TMEM272: variants seen among roughly 807,000 people sequenced by gnomAD.
The protein encoded by TMEM272 is transmembrane protein 272, also known as long intergenic non-protein coding RNA 282.
A neutral mutation model predicts 3.7 loss-of-function variants in TMEM272; 8 were observed. The observed-to-expected ratio is 2.17, with a 90% CI of 1.27 to 3.91. The LOEUF is 3.91. Among genes scored for constraint, TMEM272 ranks in the 30% most tolerant of loss-of-function variants. The probability of loss-of-function intolerance (pLI) is 0.00; values close to 1 mark genes in which losing one functional copy is unlikely to be tolerated. For synonymous variants in TMEM272, 63 were observed against 39.8 expected (o/e 1.58, Z -2.20); for missense variants, 166 against 91.5 (o/e 1.81, Z -3.32).
chr13:51,859,176 T>TAAA, the TMEM272 span, among the ~76,000 whole-genome samples: 22 of 142,466 alleles, frequency 1.5e-4, no homozygotes, highest in South Asian at 4.5e-4. Flanking sequence ...AGGGCATTTG[T>TAAA]AAAAAAAAAA....
chr13:51,893,037 T>C, the TMEM272 span, among the ~76,000 whole-genome samples: 1 of 152,140 alleles, frequency 6.6e-6, no homozygotes, highest in Admixed American at 6.5e-5. Flanking sequence ...CTGACAAACA[T>C]CATACATCCA....
the TMEM272 span, chr13:51,909,406 A>G: frequency 1.0e-5 from 9 of 876,584 alleles, no homozygotes; most frequent in Admixed American, 1.2e-4. Context: ...TCTTTCTCTA[A>G]CCGGTTATTT....
the TMEM272 span, among the ~76,000 whole-genome samples, chr13:51,916,481 T>C: frequency 6.6e-6 from 1 of 152,238 alleles, no homozygotes; most frequent in Non-Finnish European, 1.5e-5. Flanking sequence ...GTGGTAGCTA[T>C]CATCAACGCA....
At chr13:51,835,169 G>A (rs1341581129) in intron 2 of TMEM272, among the ~76,000 whole-genome samples, 2 of 152,180 alleles carry the variant, frequency 1.3e-5, no homozygotes, top group East Asian at 3.9e-4. Flanking sequence ...CCAATCTAAG[G>A]GGGATATCTG....
the TMEM272 span, among the ~76,000 whole-genome samples, chr13:51,927,365 T>A: frequency 1.3e-5 from 2 of 152,000 alleles, no homozygotes; most frequent in East Asian, 3.9e-4. Flanking sequence ...TAGGTTTATA[T>A]TTAGCCCCCA....
At chr13:51,934,106 C>T in the TMEM272 span, 1 of 155,204 alleles carries the variant, frequency 6.4e-6, no homozygotes, top group Non-Finnish European at 1.4e-5. Context: ...CTGAAATGCA[C>T]ACTCCAGAGC....
the TMEM272 span, among the ~76,000 whole-genome samples, chr13:51,878,525 T>C: frequency 6.6e-6 from 1 of 152,270 alleles, no homozygotes; most frequent in African/African-American, 2.4e-5. Context: ...CATGATCTAA[T>C]TACCTCCCAT....
the TMEM272 span, chr13:51,908,786 A>G: frequency 6.9e-7 from 1 of 1,443,914 alleles, no homozygotes; most frequent in Non-Finnish European, 9.7e-7. Flanking sequence ...GAGCTGAATC[A>G]GGATATGATT....
chr13:51,815,894 C>A lies in TMEM272; in HGVS notation c.*857G>T, dbSNP rs997411573. ...TTATTCGATATTTAAGCTCAGAAACCAAAAACAGCTACACTGACGGCACCC... is the reference window on the plus strand; with the variant it reads ...TTATTCGATATTTAAGCTCAGAAACAAAAAACAGCTACACTGACGGCACCC... On this transcript the variant is annotated 3_prime_UTR_variant, in exon 5 of 5. Coordinates refer to ENST00000629372, the MANE Select transcript of TMEM272 (RefSeq NM_001351003.2). 1 of 152,162 alleles carries A rather than the reference C, an allele frequency of 6.6e-6. No homozygotes were observed. Among genetic ancestry groups the A allele is most frequent in the African/African-American group, 2.4e-5 (1 of 41,412 alleles). 9.4% of individuals were successfully genotyped at this position (152,162 alleles called of 1,614,324 possible). A position where few individuals can be genotyped will look rare whatever the true frequency, so the allele number is the denominator to read the frequency against.
intron 1 of TMEM272, among the ~76,000 whole-genome samples, chr13:51,838,816 AG>A (rs1365322939): frequency 6.6e-6 from 1 of 152,146 alleles, no homozygotes; most frequent in African/African-American, 2.4e-5. Flanking sequence ...ACAGGCCTGG[AG>A]GGGGAGATGG....
intron 2 of TMEM272, among the ~76,000 whole-genome samples, chr13:51,836,084 A>T (rs1057410902): frequency 1.3e-5 from 2 of 152,210 alleles, no homozygotes; most frequent in African/African-American, 4.8e-5. Flanking sequence ...TGGAAACTCA[A>T]TCCCCAATGC....
chr13:51,929,317 G>T, the TMEM272 span, among the ~76,000 whole-genome samples: 1 of 152,202 alleles, frequency 6.6e-6, no homozygotes, highest in South Asian at 2.1e-4. Context: ...ATGCATATCT[G>T]AGGCTCTAAA....
chr13:51,902,422 G>C, the TMEM272 span, among the ~76,000 whole-genome samples: 2 of 152,224 alleles, frequency 1.3e-5, no homozygotes, highest in African/African-American at 4.8e-5. Flanking sequence ...AAAATGTTCA[G>C]CCTCTCAATG....
At chr13:51,898,218 A>AAAATAAAT in the TMEM272 span, among the ~76,000 whole-genome samples, 287 of 147,562 alleles carry the variant, frequency 1.9e-3, 1 homozygote, top group Admixed American at 2.7e-3. Context: ...CTCCATCTCA[A>AAAATAAAT]AAATAAATAA....
intron 2 of TMEM272, among the ~76,000 whole-genome samples, chr13:51,828,777 G>A (rs1388207964): frequency 3.9e-5 from 6 of 152,140 alleles, no homozygotes; most frequent in Admixed American, 2.0e-4. Context: ...GCCCTTTACC[G>A]CCAATATTCA....
the TMEM272 span, among the ~76,000 whole-genome samples, chr13:51,889,880 A>G: frequency 6.3e-3 from 961 of 152,246 alleles, 8 homozygotes; most frequent in African/African-American, 0.022. Flanking sequence ...ACCTCAGGTG[A>G]TCCGCCCACC....
At chr13:51,833,406 T>C (rs919069871) in intron 2 of TMEM272, among the ~76,000 whole-genome samples, 58 of 151,724 alleles carry the variant, frequency 3.8e-4, no homozygotes, top group Non-Finnish European at 1.3e-4. Context: ...AGCTGAACCT[T>C]TGGAGAAAAT....
At chr13:51,866,256 A>C in the TMEM272 span, 1 of 580,588 alleles carries the variant, frequency 1.7e-6, no homozygotes, top group South Asian at 3.2e-5. Context: ...GGCTGGCTGC[A>C]TTTTTTCCAG....
chr13:51,825,758 G>T (rs1253306637), intron 3 of TMEM272, among the ~76,000 whole-genome samples: 1 of 151,610 alleles, frequency 6.6e-6, no homozygotes, highest in Non-Finnish European at 1.5e-5. Flanking sequence ...ACCACACCCA[G>T]CTAATTTTTA....
Sources: allele counts gnomAD v4.1 joint callset (sites outside exome capture counted in the v4.1 genomes callset), GRCh38; gene constraint gnomAD v4.1.1; transcripts MANE v1.5; gene names NCBI Gene and HGNC (gene_info 2026-07-23, HGNC 2026-07-21).